The following IGSF21 variants were observed in gnomAD, a reference collection of about 807,000 sequenced individuals.
IGSF21 encodes immunoglobin superfamily member 21.
In IGSF21, 28 loss-of-function variants were observed where a neutral mutation model predicts 46.8. The ratio of observed to expected loss-of-function variants is 0.60; its 90% CI spans 0.44 to 0.82. IGSF21 has a LOEUF of 0.82. Among genes scored for constraint, IGSF21 ranks in the 40% least tolerant of loss-of-function variants. IGSF21 has a pLI of 0.00. For synonymous variants in IGSF21, 284 were observed against 273.6 expected (o/e 1.04, Z -0.38); for missense variants, 624 against 665.5 (o/e 0.94, Z 0.69).
At chr1:18,148,192 G>A (rs1256913526) in intron 1 of IGSF21, among the ~76,000 whole-genome samples, 9 of 147,408 alleles carry the variant, frequency 6.1e-5, no homozygotes, top group Non-Finnish European at 4.5e-5. Context: ...GTGCAGTGGC[G>A]CGATCTCATC....
chr1:18,367,357 T>C (rs1024966331), intron 6 of IGSF21, among the ~76,000 whole-genome samples: 1 of 151,798 alleles, frequency 6.6e-6, no homozygotes, highest in Non-Finnish European at 1.5e-5. Flanking sequence ...CAAGCACAAG[T>C]TGGCTGTGTA....
At chr1:18,284,216 C>A (rs966587682) in intron 2 of IGSF21, among the ~76,000 whole-genome samples, 3 of 152,188 alleles carry the variant, frequency 2.0e-5, no homozygotes, top group Non-Finnish European at 4.4e-5. Context: ...TTGTGCCCAG[C>A]CTTGCAGGGC....
intron 2 of IGSF21, 24 bp from the exon 3 acceptor site, chr1:18,291,842 G>A: frequency 6.2e-7 from 1 of 1,612,360 alleles, no homozygotes; most frequent in Non-Finnish European, 8.5e-7. Context: ...ACTCACGTGT[G>A]GCTATCTCTG....
intron 1 of IGSF21, among the ~76,000 whole-genome samples, chr1:18,125,660 C>A (rs1281726314): frequency 6.6e-6 from 1 of 152,206 alleles, no homozygotes; most frequent in Non-Finnish European, 1.5e-5. Context: ...GTGTGCTGGG[C>A]ACTGGCGATA....
intron 2 of IGSF21, among the ~76,000 whole-genome samples, chr1:18,284,262 C>T (rs762405673): frequency 3.3e-5 from 5 of 152,174 alleles, no homozygotes; most frequent in Admixed American, 6.5e-5. Flanking sequence ...GGTGGGATGG[C>T]GGCAGATCTG....
chr1:18,215,299 T>C (rs966222834), intron 1 of IGSF21, among the ~76,000 whole-genome samples: 2 of 152,238 alleles, frequency 1.3e-5, no homozygotes, highest in African/African-American at 4.8e-5. Context: ...ATGCCAGTAG[T>C]GTGGCCAGCA....
intron 3 of IGSF21, among the ~76,000 whole-genome samples, chr1:18,332,944 T>C (rs1415375030): frequency 6.6e-6 from 1 of 152,116 alleles, no homozygotes; most frequent in African/African-American, 2.4e-5. Context: ...AAGACGAAGA[T>C]GGAGCAGGTA....
At chr1:18,152,764 C>T (rs879269358) in intron 1 of IGSF21, among the ~76,000 whole-genome samples, 1 of 152,110 alleles carries the variant, frequency 6.6e-6, no homozygotes, top group Non-Finnish European at 1.5e-5. Flanking sequence ...AGGACAGCTC[C>T]CCAGTTCCTA....
At chr1:18,197,144 C>T (rs778055161) in intron 1 of IGSF21, among the ~76,000 whole-genome samples, 15 of 152,204 alleles carry the variant, frequency 9.9e-5, no homozygotes, top group South Asian at 2.1e-4. Flanking sequence ...ACTCAGCATT[C>T]GGGTGTCTCG....
intron 2 of IGSF21, among the ~76,000 whole-genome samples, chr1:18,255,661 T>C (rs1303034989): frequency 1.3e-5 from 2 of 152,130 alleles, no homozygotes; most frequent in African/African-American, 4.8e-5. Context: ...CTCTGCATCT[T>C]ACACCTGCTC....
At chr1:18,265,871 T>C (rs1301991303) in intron 2 of IGSF21, among the ~76,000 whole-genome samples, 1 of 152,232 alleles carries the variant, frequency 6.6e-6, no homozygotes, top group Non-Finnish European at 1.5e-5. Context: ...ATGGGCTCTG[T>C]CCCAGCGCCT....
chr1:18,194,252 G>A (rs1364222240), intron 1 of IGSF21, among the ~76,000 whole-genome samples: 1 of 152,192 alleles, frequency 6.6e-6, no homozygotes, highest in Non-Finnish European at 1.5e-5. Context: ...AGGGAGGAGA[G>A]CGAACATGTT....
chr1:18,177,560 C>T (rs1386239952), intron 1 of IGSF21, among the ~76,000 whole-genome samples: 1 of 151,990 alleles, frequency 6.6e-6, no homozygotes. Flanking sequence ...TGATTATTGC[C>T]TTGTCCTGTC....
chr1:18,341,003 C>CT (rs1557651735), intron 4 of IGSF21, among the ~76,000 whole-genome samples: 7 of 84,498 alleles, frequency 8.3e-5, no homozygotes, highest in Non-Finnish European at 1.0e-4. Context: ...TCTCCTCCTC[C>CT]TCCTTCTTCT....
intron 1 of IGSF21, among the ~76,000 whole-genome samples, chr1:18,133,255 A>G (rs993718251): frequency 6.6e-6 from 1 of 152,204 alleles, no homozygotes; most frequent in African/African-American, 2.4e-5. Flanking sequence ...CCCCCAGAGC[A>G]TGTGAGCCAG....
chr1:18,234,352 T>C (rs1283748695), intron 2 of IGSF21, among the ~76,000 whole-genome samples: 1 of 152,098 alleles, frequency 6.6e-6, no homozygotes, highest in African/African-American at 2.4e-5. Flanking sequence ...ATCAGTCACA[T>C]GGGAAGGAAG....
chr1:18,314,656 C>A (rs1415180240), intron 3 of IGSF21, among the ~76,000 whole-genome samples: 1 of 152,176 alleles, frequency 6.6e-6, no homozygotes, highest in African/African-American at 2.4e-5. Context: ...GAGTGACTTG[C>A]AGTGAAGCTG....
intron 3 of IGSF21, among the ~76,000 whole-genome samples, chr1:18,333,338 A>G (rs980087590): frequency 1.3e-5 from 2 of 152,212 alleles, no homozygotes; most frequent in African/African-American, 4.8e-5. Context: ...CAGCAATGAC[A>G]TAGCCTCTGC....
At chr1:18,265,994 G>A (rs1304264311) in intron 2 of IGSF21, among the ~76,000 whole-genome samples, 2 of 152,180 alleles carry the variant, frequency 1.3e-5, no homozygotes, top group African/African-American at 4.8e-5. Context: ...CAGCCTTGAT[G>A]AAGCCCGGAG....
Sources: gnomAD v4.1 joint callset for allele counts (sites outside exome capture counted in the v4.1 genomes callset) on GRCh38, gnomAD v4.1.1 for gene constraint, MANE v1.5 for transcripts, NCBI Gene and HGNC (gene_info 2026-07-23, HGNC 2026-07-21) for gene names.